GRAP2: variants seen among roughly 807,000 people sequenced by gnomAD.
GRAP2 encodes the protein GRB2 related adaptor protein 2.
GRAP2 carries 31 observed loss-of-function variants against 43.5 expected under a neutral mutation model. The observed-to-expected ratio is 0.71, with a 90% CI of 0.54 to 0.96. The LOEUF (loss-of-function observed/expected upper bound fraction) is 0.96. Among genes scored for constraint, GRAP2 ranks in the 40% least tolerant of loss-of-function variants. The pLI is 0.00. For missense variants in GRAP2, 371 were observed against 424.4 expected, an observed-to-expected ratio of 0.87 and a Z score of 1.11; for synonymous variants, 156 against 164.8, an observed-to-expected ratio of 0.95 and a Z score of 0.41.
At chr22:39,938,890 A>T (rs1028929443) in intron 1 of GRAP2, among the ~76,000 whole-genome samples, 2 of 152,210 alleles carry the variant, frequency 1.3e-5, no homozygotes, top group Non-Finnish European at 2.9e-5. Context: ...TTGCATCAGC[A>T]GCTCAGCCGC....
chr22:39,968,409 A>G, intron 6 of GRAP2, 137 bp downstream of exon 6: 1 of 942,776 alleles, frequency 1.1e-6, no homozygotes, highest in Non-Finnish European at 1.6e-6. Flanking sequence ...AGAAATAGGG[A>G]AACTGTTCTT....
chr22:39,932,919 A>G (rs1404114627), intron 1 of GRAP2, among the ~76,000 whole-genome samples: 1 of 152,150 alleles, frequency 6.6e-6, no homozygotes, highest in Non-Finnish European at 1.5e-5. Flanking sequence ...GCTAAGGGTC[A>G]CTCAGAAAAC....
rs1187058839 is a variant in GRAP2 at position 39,957,839 on chromosome 22, G to C, written c.170+1929G>C. On this transcript the variant is annotated intron_variant, in intron 3 of 7. Coordinates refer to ENST00000344138, the MANE Select transcript of GRAP2 (RefSeq NM_004810.4). Reference sequence around the variant, plus strand: ...TAGTCCCAGCTGCTTGGGAGGCTGAGGCAGGAGGATCGCTTGAGCCTGGGA... The same window carrying C: ...TAGTCCCAGCTGCTTGGGAGGCTGACGCAGGAGGATCGCTTGAGCCTGGGA... Among the ~76,000 whole-genome samples, 5 of 152,218 alleles carry C rather than the reference G, an allele frequency of 3.3e-5. No individual in the cohort carries two copies. The East Asian group carries it at 9.7e-4, about 29-fold the overall frequency.
At chr22:39,970,254 T>A (rs1028604054) in intron 7 of GRAP2, among the ~76,000 whole-genome samples, 1 of 152,164 alleles carries the variant, frequency 6.6e-6, no homozygotes, top group African/African-American at 2.4e-5. Context: ...TAGCTAGGTA[T>A]ATTATTTGTA....
At chr22:39,954,311 C>A (rs1433872759) in intron 2 of GRAP2, among the ~76,000 whole-genome samples, 1 of 152,158 alleles carries the variant, frequency 6.6e-6, no homozygotes, top group Admixed American at 6.5e-5. Flanking sequence ...TCTAATTCAG[C>A]GGTTCAGTGA....
chr22:39,943,453 C>T (rs1218922021), intron 1 of GRAP2, among the ~76,000 whole-genome samples: 1 of 152,074 alleles, frequency 6.6e-6, no homozygotes. Context: ...CGTGACAGCT[C>T]TTAAAGGGGT....
chr22:39,923,049 A>C (rs1200488262), intron 1 of GRAP2, among the ~76,000 whole-genome samples: 1 of 151,938 alleles, frequency 6.6e-6, no homozygotes, highest in Non-Finnish European at 1.5e-5. Context: ...TAAAAAAAAA[A>C]AAAAAAATTC....
intron 1 of GRAP2, among the ~76,000 whole-genome samples, chr22:39,939,561 CAAAA>C (rs386395434): frequency 1.6e-5 from 1 of 64,168 alleles, no homozygotes; most frequent in Admixed American, 1.9e-4. Context: ...GACTCCGTCT[CAAAA>C]AAAAAAAAAA....
intron 1 of GRAP2, among the ~76,000 whole-genome samples, chr22:39,922,624 A>G (rs1188804379): frequency 6.6e-6 from 1 of 152,192 alleles, no homozygotes; most frequent in Non-Finnish European, 1.5e-5. Context: ...TCTGGAAGCA[A>G]TGAGGAGGGG....
intron 4 of GRAP2, among the ~76,000 whole-genome samples, chr22:39,963,258 G>A (rs1186734410): frequency 2.0e-5 from 3 of 152,144 alleles, no homozygotes; most frequent in Non-Finnish European, 2.9e-5. Context: ...GGAGTCCAGC[G>A]CCCTGAGTCG....
At chr22:39,917,158 GAT>G (rs1213355233) in intron 1 of GRAP2, among the ~76,000 whole-genome samples, 1 of 152,176 alleles carries the variant, frequency 6.6e-6, no homozygotes, top group Non-Finnish European at 1.5e-5. Flanking sequence ...GTAGTGATTT[GAT>G]ACACAATTAT....
At chr22:39,966,427 T>C (rs2067174918) in intron 5 of GRAP2, among the ~76,000 whole-genome samples, 2 of 152,246 alleles carry the variant, frequency 1.3e-5, no homozygotes, top group Admixed American at 6.5e-5. Context: ...GAAGATAATG[T>C]ATCCCACGCC....
chr22:39,969,696 C>G (rs1436730459), intron 7 of GRAP2, among the ~76,000 whole-genome samples, 163 bp downstream of exon 7: 3 of 152,072 alleles, frequency 2.0e-5, no homozygotes, highest in Non-Finnish European at 4.4e-5. Flanking sequence ...GGTGGATCAC[C>G]TGAGGTCAGG....
chr22:39,971,125 C>T lies in GRAP2; in HGVS notation c.*41C>T, dbSNP rs182893461. 5.5e-5 allele frequency: 82 copies of T among 1,498,902 alleles called. No homozygotes were observed. The Admixed American group carries it at 1.6e-3, about 29-fold the overall frequency. The allele number at this position is 1,498,902 out of a possible 1,614,324, so 92.9% of individuals were successfully genotyped here. ...GAAGCTTTTTGTCTGGAGCTGCCCA[C>T]AAGAAAGAGGGCAAGGAAAAAAGGC... is the stretch of plus-strand genomic sequence containing the variant. On this transcript the variant is annotated 3_prime_UTR_variant, in exon 8 of 8. Transcript: ENST00000344138.
chr22:39,916,666 G>A (rs1391462785), intron 1 of GRAP2, among the ~76,000 whole-genome samples: 2 of 152,122 alleles, frequency 1.3e-5, no homozygotes, highest in Non-Finnish European at 2.9e-5. Context: ...ATGAAATCAC[G>A]AGTTCTTAGA....
chr22:39,916,990 G>C lies in GRAP2; in HGVS notation c.-15+15660G>C, dbSNP rs554954333. Among the ~76,000 whole-genome samples the C allele has an allele frequency of 3.9e-5, 6 of 152,166 alleles. No homozygotes were observed. The South Asian group carries it at 1.2e-3, about 32-fold the overall frequency. On this transcript the variant is annotated intron_variant, in intron 1 of 7. Coordinates refer to ENST00000344138, the MANE Select transcript of GRAP2 (RefSeq NM_004810.4). ...AAATGTGATGCACTTCTAAACTAAA[G>C]GTAACTTCAGTCATGTAGAATAGAA...
intron 6 of GRAP2, 118 bp downstream of exon 6, chr22:39,968,390 C>T (rs138009): frequency 1.7e-6 from 2 of 1,191,596 alleles, no homozygotes; most frequent in African/African-American, 1.5e-5. Flanking sequence ...CTGGACCCCC[C>T]CAAATGGCAG....
chr22:39,939,487 G>A (rs1043036082), intron 1 of GRAP2, among the ~76,000 whole-genome samples: 5 of 151,224 alleles, frequency 3.3e-5, no homozygotes, highest in Non-Finnish European at 5.9e-5. Context: ...GCATGAACCC[G>A]GGAGCTGGAG....
chr22:39,901,049 C>G, upstream of GRAP2: 1 of 324,058 alleles, frequency 3.1e-6, no homozygotes, highest in Non-Finnish European at 6.1e-6. Context: ...CTCTCCGAAG[C>G]CCCATATGTG....
Sources: allele counts gnomAD v4.1 joint callset (sites outside exome capture counted in the v4.1 genomes callset), GRCh38; gene constraint gnomAD v4.1.1; transcripts MANE v1.5; gene names NCBI Gene and HGNC (gene_info 2026-07-23, HGNC 2026-07-21).